The following PCDH15 variants were observed in gnomAD, a reference collection of about 807,000 sequenced individuals.
The protein encoded by PCDH15 is protocadherin-15.
Under a neutral mutation model 178.5 loss-of-function variants are expected in PCDH15, and 129 were observed. The ratio of observed to expected loss-of-function variants is 0.72; its 90% confidence interval spans 0.63 to 0.84. PCDH15 has a LOEUF of 0.84. Among genes scored for constraint, PCDH15 ranks in the 40% least tolerant of loss-of-function variants. The pLI, the probability that PCDH15 is intolerant of heterozygous loss-of-function variation, is 0.00. For missense variants in PCDH15, 2,230 were observed against 2,099.9 expected, an observed-to-expected ratio of 1.06 and a Z score of -1.21; for synonymous variants, 800 against 732.0, an observed-to-expected ratio of 1.09 and a Z score of -1.50.
intron 2 of PCDH15, among the ~76,000 whole-genome samples, chr10:54,571,076 A>G (rs1201193900): frequency 6.6e-6 from 1 of 152,070 alleles, no homozygotes; most frequent in African/African-American, 2.4e-5. Context: ...CAAAGAACTG[A>G]GAGCCCAATG....
chr10:54,827,051 G>A (rs571647436), intron 3 of PCDH15, among the ~76,000 whole-genome samples: 27 of 152,196 alleles, frequency 1.8e-4, no homozygotes, highest in Non-Finnish European at 3.2e-4. Flanking sequence ...CAGGAACCTG[G>A]TTCCAAGTGC....
At chr10:55,095,297 T>C (rs150728389) in intron 2 of PCDH15, among the ~76,000 whole-genome samples, 6 of 152,092 alleles carry the variant, frequency 3.9e-5, no homozygotes. Flanking sequence ...CTTAATAATT[T>C]ATTTAAACAT....
At chr10:55,375,875 C>T (rs1837384664) in intron 2 of PCDH15, among the ~76,000 whole-genome samples, 1 of 151,952 alleles carries the variant, frequency 6.6e-6, no homozygotes, top group African/African-American at 2.4e-5. Context: ...ATTAGATATA[C>T]TGTTTTTACC....
At chr10:55,605,016 A>T (rs1843181160) in intron 2 of PCDH15, among the ~76,000 whole-genome samples, 1 of 152,186 alleles carries the variant, frequency 6.6e-6, no homozygotes, top group Non-Finnish European at 1.5e-5. Context: ...AATAAAGAAA[A>T]CAAGAGAGAA....
At chr10:55,001,418 C>A (rs1420933218) in intron 2 of PCDH15, among the ~76,000 whole-genome samples, 2 of 152,192 alleles carry the variant, frequency 1.3e-5, no homozygotes, top group African/African-American at 4.8e-5. Flanking sequence ...AAGGAGCAAA[C>A]AGCTGAGGCC....
chr10:55,291,323 A>G (rs1843000547), intron 1 of PCDH15, among the ~76,000 whole-genome samples: 1 of 152,202 alleles, frequency 6.6e-6, no homozygotes, highest in South Asian at 2.1e-4. Context: ...TGCTTTAGAA[A>G]CACCTGAATA....
intron 1 of PCDH15, among the ~76,000 whole-genome samples, chr10:55,267,390 G>T (rs1842328022): frequency 6.6e-6 from 1 of 152,118 alleles, no homozygotes; most frequent in Non-Finnish European, 1.5e-5. Flanking sequence ...TAATTATTGT[G>T]TTAACTAAAT....
intron 25 of PCDH15, among the ~76,000 whole-genome samples, chr10:53,936,966 G>C (rs994599911): frequency 1.3e-5 from 2 of 151,960 alleles, no homozygotes; most frequent in African/African-American, 4.8e-5. Flanking sequence ...GAAATATATG[G>C]GTTTTTATTT....
chr10:54,601,950 A>G (rs2092556475), intron 2 of PCDH15, among the ~76,000 whole-genome samples: 1 of 151,878 alleles, frequency 6.6e-6, no homozygotes, highest in Admixed American at 6.6e-5. Flanking sequence ...CATGGACACA[A>G]AGACAGCAAC....
chr10:54,886,264 T>TA (rs1326563311), intron 3 of PCDH15, among the ~76,000 whole-genome samples: 1 of 152,178 alleles, frequency 6.6e-6, no homozygotes, highest in Non-Finnish European at 1.5e-5. Context: ...TTTCATTTTT[T>TA]AAAAACGAAT....
At chr10:54,427,282 T>G (rs887765268) in intron 3 of PCDH15, among the ~76,000 whole-genome samples, 2 of 137,658 alleles carry the variant, frequency 1.5e-5, no homozygotes, top group Non-Finnish European at 3.1e-5. Context: ...TTTTTTTTTT[T>G]TTTTTTTTTT....
intron 3 of PCDH15, among the ~76,000 whole-genome samples, chr10:54,434,269 G>T (rs577212294): frequency 3.4e-4 from 51 of 152,116 alleles, no homozygotes; most frequent in Admixed American, 2.1e-3. Context: ...AATTTATTGT[G>T]ATGAAGTGTA....
At chr10:54,795,405 C>A (rs1951856511) in intron 1 of PCDH15, among the ~76,000 whole-genome samples, 1 of 151,788 alleles carries the variant, frequency 6.6e-6, no homozygotes. Flanking sequence ...AGGGAGATAT[C>A]TTTTCTAGTA....
intron 2 of PCDH15, among the ~76,000 whole-genome samples, chr10:54,924,783 T>G (rs1035337045): frequency 6.6e-6 from 1 of 152,140 alleles, no homozygotes. Context: ...GCTCAAGTTT[T>G]ATGGTGTTGT....
chr10:55,520,326 G>GTATA lies in PCDH15; in HGVS notation c.-156+107295_-156+107298dup, dbSNP rs200235654. 9.0e-4 allele frequency among the ~76,000 whole-genome samples: 40 copies of GTATA among 44,580 alleles called. 4 individuals are homozygous for GTATA. Among genetic ancestry groups the GTATA allele is most frequent in the South Asian group, 5.3e-3 (6 of 1,134 alleles). 29.2% of individuals were successfully genotyped at this position (44,580 alleles called of 152,430 possible). On this transcript the variant is annotated intron_variant, in intron 2 of 5. Transcript: ENST00000613346. ...ATATATATATATATACATGCAATGT[G>GTATA]TATATATATATATATATATATATAC... is the stretch of plus-strand genomic sequence containing the variant.
At chr10:55,446,091 A>G (rs1839309608) in intron 2 of PCDH15, among the ~76,000 whole-genome samples, 1 of 152,128 alleles carries the variant, frequency 6.6e-6, no homozygotes, top group African/African-American at 2.4e-5. Context: ...AACCATTCCT[A>G]TATGGGGAGT....
intron 1 of PCDH15, among the ~76,000 whole-genome samples, chr10:55,174,560 A>G (rs980759872): frequency 6.6e-5 from 10 of 152,198 alleles, no homozygotes; most frequent in African/African-American, 1.7e-4. Context: ...GCCTTGCATG[A>G]TATTCCAAAG....
At chr10:55,273,390 A>G (rs1364759122) in intron 1 of PCDH15, among the ~76,000 whole-genome samples, 3 of 152,070 alleles carry the variant, frequency 2.0e-5, no homozygotes, top group Admixed American at 6.5e-5. Flanking sequence ...ATTTATTATT[A>G]CTGCTTGCCT....
intron 3 of PCDH15, among the ~76,000 whole-genome samples, chr10:54,480,401 G>A (rs2078630737): frequency 6.6e-6 from 1 of 151,998 alleles, no homozygotes; most frequent in Non-Finnish European, 1.5e-5. Context: ...GTGGGCCTCA[G>A]CAAAACCGTA....
Sources: gnomAD v4.1 joint callset for allele counts (sites outside exome capture counted in the v4.1 genomes callset) on GRCh38, gnomAD v4.1.1 for gene constraint, MANE v1.5 for transcripts, NCBI Gene and HGNC (gene_info 2026-07-23, HGNC 2026-07-21) for gene names.